Variants in MSTO1 observed in about 807,000 individuals in gnomAD.
The protein encoded by MSTO1 is misato mitochondrial distribution and morphology regulator 1.
Under a neutral mutation model 55.7 loss-of-function variants are expected in MSTO1, and 24 were observed. The observed-to-expected ratio is 0.43, with a 90% CI of 0.31 to 0.61. MSTO1 has a LOEUF of 0.61. MSTO1 is among the 20% of genes least tolerant of loss of function. MSTO1 has a pLI of 0.09. For missense variants in MSTO1, 363 were observed against 625.7 expected, an observed-to-expected ratio of 0.58 and a Z score of 4.48; for synonymous variants, 162 against 252.8, an observed-to-expected ratio of 0.64 and a Z score of 3.41.
At chr1:155,578,587 T>G in the MSTO1 span, among the ~76,000 whole-genome samples, 1 of 141,746 alleles carries the variant, frequency 7.1e-6, no homozygotes, top group East Asian at 2.1e-4. Flanking sequence ...CTCGGCTCAC[T>G]GCAAGCTCCG....
At chr1:155,609,243 ATTTTTT>A (rs1185140621), upstream of MSTO1, among the ~76,000 whole-genome samples, 3 of 54,590 alleles carry the variant, frequency 5.5e-5, no homozygotes, top group African/African-American at 2.2e-4. Context: ...ATATATATAT[ATTTTTT>A]TTTTTTTTTT....
the MSTO1 span, among the ~76,000 whole-genome samples, chr1:155,604,577 C>T: frequency 5.9e-5 from 9 of 152,228 alleles, no homozygotes; most frequent in East Asian, 3.9e-4. Context: ...AAATTTTGTA[C>T]GTTGAAAATA....
chr1:155,601,976 G>C, the MSTO1 span: 19 of 368,060 alleles, frequency 5.2e-5, no homozygotes, highest in South Asian at 4.4e-4. Context: ...GGATGGTCTC[G>C]ATCTCCTGAC....
chr1:155,589,693 C>T, the MSTO1 span, among the ~76,000 whole-genome samples: 2 of 151,942 alleles, frequency 1.3e-5, no homozygotes, highest in Non-Finnish European at 2.9e-5. Flanking sequence ...GTCCAGTGTT[C>T]GAGGGCGGGA....
At chr1:155,609,717 G>A (rs1377780638), upstream of MSTO1, 2 of 158,510 alleles carry the variant, frequency 1.3e-5, no homozygotes, top group Admixed American at 6.1e-5. Flanking sequence ...GATACACAGA[G>A]ATAGATAAAT....
chr1:155,587,238 C>G, the MSTO1 span, among the ~76,000 whole-genome samples: 4 of 150,998 alleles, frequency 2.6e-5, no homozygotes, highest in African/African-American at 9.7e-5. Context: ...GGTAGGAGTT[C>G]GAGACCAGCA....
the MSTO1 span, among the ~76,000 whole-genome samples, chr1:155,567,027 G>A: frequency 6.6e-6 from 1 of 152,120 alleles, no homozygotes; most frequent in South Asian, 2.1e-4. Context: ...CTACTGTTGG[G>A]CAGGAACTTG....
intron 4 of MSTO1, 99 bp from the exon 5 acceptor site, chr1:155,611,450 G>A (rs545717537): frequency 3.7e-4 from 602 of 1,611,272 alleles, no homozygotes; most frequent in Non-Finnish European, 4.8e-4. Context: ...TGAACAGAAA[G>A]GAGGCTATGC....
At chr1:155,584,691 A>AAAAAG in the MSTO1 span, among the ~76,000 whole-genome samples, 19,283 of 74,900 alleles carry the variant, frequency 0.26, 5,492 homozygotes, top group East Asian at 0.46. Flanking sequence ...AAAAAAAAAA[A>AAAAAG]AAAGAAAGAA....
At chr1:155,575,656 C>T in the MSTO1 span, among the ~76,000 whole-genome samples, 1 of 151,946 alleles carries the variant, frequency 6.6e-6, no homozygotes, top group Admixed American at 6.6e-5. Context: ...GTTACCCAGG[C>T]TGGTCTCAAA....
chr1:155,601,587 C>A, the MSTO1 span, among the ~76,000 whole-genome samples: 21 of 152,152 alleles, frequency 1.4e-4, no homozygotes, highest in African/African-American at 3.6e-4. Flanking sequence ...GATCTCACCA[C>A]TGCCTTCTAG....
At chr1:155,569,741 G>GC in the MSTO1 span, among the ~76,000 whole-genome samples, 1 of 151,338 alleles carries the variant, frequency 6.6e-6, no homozygotes, top group Non-Finnish European at 1.5e-5. Context: ...CCGGCCAGTT[G>GC]TTTTTTTTGG....
At chr1:155,566,949 C>G in the MSTO1 span, among the ~76,000 whole-genome samples, 1 of 152,090 alleles carries the variant, frequency 6.6e-6, no homozygotes. Context: ...ACTATGTTGC[C>G]TAGGCTGCAG....
the MSTO1 span, among the ~76,000 whole-genome samples, chr1:155,577,381 C>T: frequency 6.6e-6 from 1 of 152,170 alleles, no homozygotes; most frequent in Non-Finnish European, 1.5e-5. Flanking sequence ...AGCCACCACG[C>T]CCGGCCGCCC....
the MSTO1 span, among the ~76,000 whole-genome samples, chr1:155,582,342 C>T: frequency 2.4e-4 from 37 of 152,196 alleles, no homozygotes; most frequent in Admixed American, 2.0e-4. Context: ...GTATTAGTGG[C>T]ATTCAGCCTT....
chr1:155,591,578 G>C, the MSTO1 span, among the ~76,000 whole-genome samples: 1 of 152,082 alleles, frequency 6.6e-6, no homozygotes, highest in African/African-American at 2.4e-5. Context: ...ATCACCTGAG[G>C]TTGGGAGTTC....
chr1:155,608,340 A>C (rs547823951), upstream of MSTO1, among the ~76,000 whole-genome samples: 2 of 152,074 alleles, frequency 1.3e-5, no homozygotes, highest in South Asian at 4.1e-4. Flanking sequence ...AAATTCTTTT[A>C]TAGAGAGGAT....
chr1:155,608,259 G>A (rs1358965194), upstream of MSTO1, among the ~76,000 whole-genome samples: 2 of 152,134 alleles, frequency 1.3e-5, no homozygotes, highest in Non-Finnish European at 2.9e-5. Context: ...TAATTCCTGC[G>A]CTGAAGCGAT....
upstream of MSTO1, among the ~76,000 whole-genome samples, chr1:155,608,861 G>C (rs1012055442): frequency 3.5e-5 from 5 of 143,696 alleles, no homozygotes; most frequent in African/African-American, 1.4e-4. Context: ...TTTTGCTCTT[G>C]TTTCCCAGGC....
Sources: gnomAD v4.1 joint callset for allele counts (sites outside exome capture counted in the v4.1 genomes callset) on GRCh38, gnomAD v4.1.1 for gene constraint, MANE v1.5 for transcripts, NCBI Gene and HGNC (gene_info 2026-07-23, HGNC 2026-07-21) for gene names.